MS4A13: variants seen among roughly 807,000 people sequenced by gnomAD.
MS4A13 encodes membrane spanning 4-domains A13, also known as membrane-spanning 4-domains subfamily A member 13.
MS4A13 carries 21 observed loss-of-function variants against 18.4 expected under a neutral mutation model. The ratio of observed to expected loss-of-function variants is 1.14; its 90% CI spans 0.81 to 1.64. The LOEUF is 1.64. MS4A13 is among the 40% of genes most tolerant of loss of function. The pLI, the probability that MS4A13 is intolerant of heterozygous loss-of-function variation, is 0.00. For synonymous variants in MS4A13, 62 were observed against 57.2 expected, an observed-to-expected ratio of 1.08 and a Z score of -0.38; for missense variants, 173 against 176.8, an observed-to-expected ratio of 0.98 and a Z score of 0.12.
At chr11:60,539,506 T>C (rs1202391081) in intron 6 of MS4A13, among the ~76,000 whole-genome samples, 1 of 151,912 alleles carries the variant, frequency 6.6e-6, no homozygotes, top group Non-Finnish European at 1.5e-5. Flanking sequence ...CCATCACATG[T>C]ATAATGGGAG....
intron 6 of MS4A13, among the ~76,000 whole-genome samples, chr11:60,532,152 A>G (rs999817674): frequency 1.3e-5 from 2 of 152,224 alleles, no homozygotes; most frequent in African/African-American, 2.4e-5. Flanking sequence ...AAAAATTAGT[A>G]AAGTAGGTTG....
chr11:60,518,050 T>G, intron 2 of MS4A13, 22 bp from the exon 3 acceptor site: 1 of 1,537,636 alleles, frequency 6.5e-7, no homozygotes, highest in Non-Finnish European at 8.9e-7. Context: ...ATTTCGGTAC[T>G]AACATAATTC....
chr11:60,527,468 T>C lies in MS4A13; in HGVS notation c.307-1897T>C, dbSNP rs147145330. ...TGTTTCCGTTTCCTCAGTTTTCATA[T>C]TTGAGCTGCTCTGGCCAACCTTTTG... On this transcript the variant is annotated intron_variant, in intron 5 of 6. Coordinates refer to ENST00000378186, the MANE Select transcript of MS4A13 (RefSeq NM_001012417.3). Among the ~76,000 whole-genome samples the C allele has an allele frequency of 9.0e-3, 1,319 of 146,986 alleles. 26 individuals are homozygous for C. The highest frequency in any genetic ancestry group is 0.032 in the African/African-American group (1,253 of 38,804).
intron 6 of MS4A13, among the ~76,000 whole-genome samples, chr11:60,542,295 GAAGA>G (rs1372344596): frequency 1.3e-5 from 2 of 150,790 alleles, no homozygotes; most frequent in African/African-American, 2.4e-5. Context: ...GAGAAAGAAA[GAAGA>G]AAGGGAGGAA....
At chr11:60,542,126 A>G (rs1327364165) in intron 6 of MS4A13, among the ~76,000 whole-genome samples, 2 of 151,522 alleles carry the variant, frequency 1.3e-5, no homozygotes, top group Non-Finnish European at 2.9e-5. Context: ...TGAAAAAAAA[A>G]AAAAACCCAA....
At position 60,521,272 on chromosome 11, in the gene MS4A13, G is replaced by A. The variant is rs556360144; in HGVS notation, c.130-2625G>A. 5.3e-5 allele frequency among the ~76,000 whole-genome samples: 8 copies of A among 152,320 alleles called. No homozygotes were observed. In the South Asian group the frequency reaches 1.4e-3, roughly 28 times the overall value. ...CCATTGTCTTGAGAATTAACATTCA[G>A]CTCCTCATTTCTTATGCAAATTTCT... On this transcript the variant is annotated intron_variant, in intron 3 of 6. Transcript: ENST00000378186.
At chr11:60,528,470 C>A (rs2086736276) in intron 5 of MS4A13, among the ~76,000 whole-genome samples, 1 of 152,180 alleles carries the variant, frequency 6.6e-6, no homozygotes, top group Non-Finnish European at 1.5e-5. Flanking sequence ...CTTATATTAT[C>A]TTTCTGTCTC....
At chr11:60,532,612 C>T (rs1049506328) in intron 6 of MS4A13, among the ~76,000 whole-genome samples, 1 of 152,204 alleles carries the variant, frequency 6.6e-6, no homozygotes, top group South Asian at 2.1e-4. Context: ...CCCGCCATTG[C>T]GCAGGCTTGC....
At chr11:60,525,661 A>G (rs1312432026) in intron 5 of MS4A13, among the ~76,000 whole-genome samples, 1 of 152,202 alleles carries the variant, frequency 6.6e-6, no homozygotes, top group Non-Finnish European at 1.5e-5. Context: ...CCATTTTGCA[A>G]ATAAACAAAA....
At chr11:60,532,444 G>A (rs567983942) in intron 6 of MS4A13, among the ~76,000 whole-genome samples, 6 of 152,282 alleles carry the variant, frequency 3.9e-5, no homozygotes, top group East Asian at 1.9e-4. Context: ...ACTCCCACCC[G>A]AATATTGCGC....
chr11:60,527,729 C>T (rs10897081), intron 5 of MS4A13, among the ~76,000 whole-genome samples: 3 of 151,640 alleles, frequency 2.0e-5, no homozygotes, highest in African/African-American at 4.9e-5. Context: ...CCAGCTACTC[C>T]GGAGGCTAAG....
intron 6 of MS4A13, among the ~76,000 whole-genome samples, chr11:60,541,991 C>T (rs911831774): frequency 1.3e-5 from 2 of 151,770 alleles, no homozygotes; most frequent in Non-Finnish European, 2.9e-5. Flanking sequence ...ATCCTAACTA[C>T]TCGGGTGGCT....
intron 6 of MS4A13, among the ~76,000 whole-genome samples, chr11:60,540,239 T>C (rs2086846068): frequency 6.6e-6 from 1 of 152,168 alleles, no homozygotes; most frequent in Non-Finnish European, 1.5e-5. Flanking sequence ...AGACAATACA[T>C]AAAGGAATGG....
chr11:60,542,144 A>C (rs1435320845), intron 6 of MS4A13, among the ~76,000 whole-genome samples: 2 of 150,062 alleles, frequency 1.3e-5, no homozygotes, highest in East Asian at 3.9e-4. Flanking sequence ...CAAGGAAGGA[A>C]GGAATGTAGG....
At position 60,529,459 on chromosome 11, in the gene MS4A13, T is replaced by G; in HGVS notation, c.401T>G (p.Leu134Trp). ...LTHSIYSCSNLFRRQNDLTSV... is the reference protein window; with the variant it reads ...LTHSIYSCSNWFRRQNDLTSV... ...CACTCAATATACAGCTGTTCCAATT[T>G]GGTAAGTGTTTACCCACTCTCTGGC... The change falls in exon 6 of 7, where the codon TTG becomes TGG. Residue 134 changes from leucine (L) to tryptophan (W), a missense_variant and splice_region_variant. Transcript: ENST00000378186. 6.3e-7 allele frequency: 1 copy of G among 1,579,568 alleles called. No homozygotes were observed. Among genetic ancestry groups the G allele is most frequent in the African/African-American group, 1.4e-5 (1 of 73,630 alleles).
chr11:60,540,783 C>T (rs2086850814), intron 6 of MS4A13, among the ~76,000 whole-genome samples: 1 of 151,744 alleles, frequency 6.6e-6, no homozygotes, highest in African/African-American at 2.4e-5. Context: ...CTCATCTCTA[C>T]AAAAAAGTAA....
At chr11:60,522,242 G>GATGTATA (rs2086681582) in intron 3 of MS4A13, among the ~76,000 whole-genome samples, 1 of 31,804 alleles carries the variant, frequency 3.1e-5, no homozygotes, top group Non-Finnish European at 9.8e-5. Flanking sequence ...ATAGATAGAT[G>GATGTATA]TATATATATA....
chr11:60,531,373 C>A (rs1565214132), intron 6 of MS4A13, among the ~76,000 whole-genome samples: 1 of 152,214 alleles, frequency 6.6e-6, no homozygotes, highest in Admixed American at 6.5e-5. Context: ...TAACTTCCTA[C>A]TTTTCCCCTG....
chr11:60,541,646 T>C (rs1411771506), intron 6 of MS4A13, among the ~76,000 whole-genome samples: 3 of 152,120 alleles, frequency 2.0e-5, no homozygotes, highest in African/African-American at 4.8e-5. Flanking sequence ...AAAATGACCA[T>C]TACCTTGAAG....
Sources: allele counts gnomAD v4.1 joint callset (sites outside exome capture counted in the v4.1 genomes callset), GRCh38; gene constraint gnomAD v4.1.1; transcripts MANE v1.5; gene names NCBI Gene and HGNC (gene_info 2026-07-23, HGNC 2026-07-21).